The following CBL variants were observed in gnomAD, a reference collection of about 807,000 sequenced individuals.
The protein encoded by CBL is E3 ubiquitin-protein ligase CBL.
In CBL, 45 loss-of-function variants were observed where a neutral mutation model predicts 96.9. The observed-to-expected ratio is 0.46, with a 90% CI of 0.37 to 0.60. The LOEUF (loss-of-function observed/expected upper bound fraction) is 0.60, where lower values mean the gene tolerates loss of function less well. Among genes scored for constraint, CBL ranks in the 20% least tolerant of loss-of-function variants. CBL has a pLI of 0.00. For missense variants in CBL, 1,024 were observed against 1,143.5 expected (o/e 0.90, Z 1.51); for synonymous variants, 420 against 426.8 (o/e 0.98, Z 0.20).
At chr11:119,268,163 A>T (rs974967461) in intron 2 of CBL, among the ~76,000 whole-genome samples, 3 of 152,242 alleles carry the variant, frequency 2.0e-5, no homozygotes, top group African/African-American at 7.2e-5. Context: ...TTGGCTGTGA[A>T]AATTGATTGT....
At chr11:119,277,654 GT>G in intron 6 of CBL, 102 bp from the exon 7 acceptor site, 1 of 755,650 alleles carries the variant, frequency 1.3e-6, no homozygotes, top group Non-Finnish European at 2.4e-6. Flanking sequence ...CTTACACCAC[GT>G]TGCCCTTTTA....
Position 119,300,851 on chromosome 11 carries a change from A to G in CBL, c.*1070A>G. ...CTGGCCAGAATACCGGAAAGCTTTT[A>G]GGAAGCTTCGTTCACATGCTATTTA... is the stretch of plus-strand genomic sequence containing the variant. On this transcript the variant is annotated 3_prime_UTR_variant, in exon 16 of 16. Coordinates refer to ENST00000264033, the MANE Select transcript of CBL (RefSeq NM_005188.4). The G allele has an allele frequency of 9.1e-6, 3 of 329,502 alleles. No individual in the cohort carries two copies. The highest frequency in any genetic ancestry group is 1.7e-5 in the Non-Finnish European group (3 of 181,706). 20.4% of individuals were successfully genotyped at this position (329,502 alleles called of 1,614,324 possible).
At chr11:119,265,061 T>A (rs1226898243) in intron 2 of CBL, among the ~76,000 whole-genome samples, 2 of 151,890 alleles carry the variant, frequency 1.3e-5, no homozygotes, top group Non-Finnish European at 2.9e-5. Context: ...GCATTTTTTG[T>A]ATAGATGGGG....
At chr11:119,208,459 G>A (rs935274021) in intron 1 of CBL, among the ~76,000 whole-genome samples, 4 of 151,208 alleles carry the variant, frequency 2.6e-5, no homozygotes, top group African/African-American at 7.3e-5. Context: ...GTGCGATCTC[G>A]ACTCACTGCA....
intron 12 of CBL, among the ~76,000 whole-genome samples, chr11:119,295,490 G>A (rs923349847): frequency 1.3e-5 from 2 of 152,084 alleles, no homozygotes; most frequent in Non-Finnish European, 2.9e-5. Context: ...GGGAGGCTGG[G>A]GCGGGAGGAT....
intron 2 of CBL, among the ~76,000 whole-genome samples, chr11:119,256,129 T>A: frequency 6.6e-6 from 1 of 151,960 alleles, no homozygotes. Context: ...ATCCATTGCA[T>A]TTTGTTGTTG....
intron 9 of CBL, among the ~76,000 whole-genome samples, chr11:119,283,354 CA>C (rs1949952729): frequency 6.6e-6 from 1 of 152,076 alleles, no homozygotes; most frequent in African/African-American, 2.4e-5. Context: ...TTCTGTCATC[CA>C]CCACCCAGCA....
At chr11:119,218,024 TC>T (rs1328727276) in intron 1 of CBL, among the ~76,000 whole-genome samples, 1 of 152,144 alleles carries the variant, frequency 6.6e-6, no homozygotes, top group Non-Finnish European at 1.5e-5. Flanking sequence ...TGAGCTATGA[TC>T]CTGCTACTGT....
intron 2 of CBL, among the ~76,000 whole-genome samples, chr11:119,267,960 C>T (rs1194393089): frequency 6.6e-6 from 1 of 152,170 alleles, no homozygotes; most frequent in East Asian, 1.9e-4. Context: ...GACATTTAAA[C>T]TGGGTCTTAT....
chr11:119,271,693 A>C, intron 2 of CBL, 42 bp from the exon 3 acceptor site: 1 of 1,565,814 alleles, frequency 6.4e-7, no homozygotes, highest in East Asian at 2.2e-5. Flanking sequence ...TAAAATAAAA[A>C]TAATTTTATG....
intron 2 of CBL, among the ~76,000 whole-genome samples, chr11:119,253,330 A>G (rs1329651773): frequency 1.3e-5 from 2 of 151,444 alleles, no homozygotes; most frequent in Admixed American, 1.3e-4. Flanking sequence ...ATTAAAAGAA[A>G]ATTAGAGCCA....
intron 9 of CBL, among the ~76,000 whole-genome samples, chr11:119,284,112 C>G (rs1034865554): frequency 6.6e-6 from 1 of 152,052 alleles, no homozygotes; most frequent in Admixed American, 6.5e-5. Flanking sequence ...TCAAGCAATC[C>G]TCCTGCCTCC....
chr11:119,274,748 G>C (rs2135300107), intron 4 of CBL, 84 bp from the exon 5 acceptor site: 1 of 1,224,446 alleles, frequency 8.2e-7, no homozygotes. Context: ...CTGAGAGTTG[G>C]TGTTGTTTTT....
chr11:119,291,183 G>A (rs975138386), intron 12 of CBL, among the ~76,000 whole-genome samples: 2 of 152,168 alleles, frequency 1.3e-5, no homozygotes, highest in Admixed American at 6.5e-5. Flanking sequence ...GATCACTTGA[G>A]TCTGGGAGTT....
At chr11:119,286,494 G>C (rs1453420080) in intron 11 of CBL, among the ~76,000 whole-genome samples, 1 of 152,148 alleles carries the variant, frequency 6.6e-6, no homozygotes, top group African/African-American at 2.4e-5. Context: ...GTATTTCTTT[G>C]GAAAGTGGAT....
intron 2 of CBL, among the ~76,000 whole-genome samples, chr11:119,245,241 T>TTC (rs1949617702): frequency 6.6e-6 from 1 of 151,924 alleles, no homozygotes; most frequent in African/African-American, 2.4e-5. Context: ...AATGCAGTTT[T>TTC]TCTCTCAGCC....
At chr11:119,228,425 G>A (rs983256265) in intron 1 of CBL, among the ~76,000 whole-genome samples, 2 of 152,100 alleles carry the variant, frequency 1.3e-5, no homozygotes, top group African/African-American at 4.8e-5. Flanking sequence ...GGCCAACATG[G>A]TGAAACCCTG....
intron 12 of CBL, among the ~76,000 whole-genome samples, chr11:119,291,328 T>G (rs1264025062): frequency 6.6e-6 from 1 of 152,204 alleles, no homozygotes; most frequent in Non-Finnish European, 1.5e-5. Flanking sequence ...GAGGCTGCTG[T>G]GAGCTGTGAT....
Position 119,276,041 on chromosome 11 carries a change from T to C in CBL, c.914T>C (p.Ile305Thr). The C allele has an allele frequency of 6.2e-7, 1 of 1,614,064 alleles. No homozygotes were observed. The change falls in exon 6 of 16, where the codon ATT becomes ACT. Residue 305 changes from isoleucine (I) to threonine (T), a missense_variant. Around this residue, in one of 4 missense-constraint regions of CBL, gnomAD observed 192 missense variants for 321.8 expected, o/e 0.60. Transcript: ENST00000264033. ...TGTACTCGTCTGGGTCAGTGGGCTATTGGGTATGTTACTGCTGATGGGAAC... is the reference window on the plus strand; with the variant it reads ...TGTACTCGTCTGGGTCAGTGGGCTACTGGGTATGTTACTGCTGATGGGAAC... ...LSCTRLGQWA[I>T]GYVTADGNIL...
Sources: gnomAD v4.1 joint callset for allele counts (sites outside exome capture counted in the v4.1 genomes callset) on GRCh38, gnomAD v4.1.1 for gene constraint, gnomAD v4.1.1 regional missense constraint, MANE v1.5 for transcripts, NCBI Gene and HGNC (gene_info 2026-07-23, HGNC 2026-07-21) for gene names.